DESI2: variants seen among roughly 807,000 people sequenced by gnomAD.
DESI2 encodes the protein desumoylating isopeptidase 2.
DESI2 carries 10 observed loss-of-function variants against 24.1 expected under a neutral mutation model. The observed-to-expected ratio is 0.41, with a 90% CI of 0.26 to 0.70. DESI2 has a LOEUF of 0.70. Among genes scored for constraint, DESI2 ranks in the 30% least tolerant of loss-of-function variants. DESI2 has a pLI of 0.29. For synonymous variants in DESI2, 71 were observed against 87.7 expected (o/e 0.81, Z 1.06); for missense variants, 122 against 234.9 (o/e 0.52, Z 3.14).
At chr1:244,703,497 A>C (rs1009806223) in intron 4 of DESI2, among the ~76,000 whole-genome samples, 1 of 152,054 alleles carries the variant, frequency 6.6e-6, no homozygotes, top group Non-Finnish European at 1.5e-5. Flanking sequence ...CTGAGGCTAC[A>C]GGCACACACC....
rs1393283501 is a variant in DESI2, at chr1:244,708,193, T to C, written c.*2404T>C. 1 of 152,354 alleles carries C rather than the reference T, an allele frequency of 6.6e-6. No individual in the cohort carries two copies. Among genetic ancestry groups the C allele is most frequent in the Non-Finnish European group, 1.5e-5 (1 of 68,042 alleles). The allele number at this position is 152,354 out of a possible 1,614,324, so 9.4% of individuals were successfully genotyped here. On this transcript the variant is annotated 3_prime_UTR_variant, in exon 5 of 5. Coordinates refer to ENST00000302550, the MANE Select transcript of DESI2 (RefSeq NM_016076.5). Reference sequence around the variant, plus strand: ...AATCTGGTCATTAACATACATATGATACGGAGTCTCTTTGTTGTCACCAAG... The same window carrying C: ...AATCTGGTCATTAACATACATATGACACGGAGTCTCTTTGTTGTCACCAAG...
intron 1 of DESI2, among the ~76,000 whole-genome samples, chr1:244,672,289 G>A (rs939512317): frequency 8.5e-5 from 13 of 152,244 alleles, no homozygotes; most frequent in Admixed American, 7.2e-4. Context: ...TCAGTTCATG[G>A]GAGATCTGGT....
Position 244,702,308 on chromosome 1 carries a change from G to C in DESI2, c.352-3248G>C, listed in dbSNP as rs560538631. On this transcript the variant is annotated intron_variant, in intron 4 of 4. Coordinates refer to ENST00000302550, the MANE Select transcript of DESI2 (RefSeq NM_016076.5). ...GCAGGCAGATCACCTGAGGTCAGGA[G>C]TTTGAGACCAGCCTGGCCAACATGG... Among the ~76,000 whole-genome samples, 3 of 152,326 alleles carry C rather than the reference G, an allele frequency of 2.0e-5. No individual in the cohort carries two copies. The East Asian group carries it at 5.8e-4, about 29-fold the overall frequency.
intron 1 of DESI2, among the ~76,000 whole-genome samples, chr1:244,658,573 G>C (rs1675731172): frequency 6.6e-6 from 1 of 152,184 alleles, no homozygotes; most frequent in South Asian, 2.1e-4. Flanking sequence ...ACTATGACCA[G>C]TGTCTAGAAC....
chr1:244,672,096 G>A (rs1485640234), intron 1 of DESI2, among the ~76,000 whole-genome samples: 1 of 152,178 alleles, frequency 6.6e-6, no homozygotes. Context: ...CACTTTGGGA[G>A]TCTGAGGTAG....
chr1:244,701,008 G>A (rs1274244325), intron 4 of DESI2, among the ~76,000 whole-genome samples: 1 of 152,138 alleles, frequency 6.6e-6, no homozygotes, highest in Non-Finnish European at 1.5e-5. Context: ...AAGTGTAGAA[G>A]GTGCAGCCTG....
rs934882111 is a variant in DESI2, at chr1:244,706,097, C to A, written c.*308C>A. ...CTTGTATCGCTGTTTACAAATCTTGCATGGACTCCTGCCACAGTGAAAGAA... is the reference window on the plus strand; with the variant it reads ...CTTGTATCGCTGTTTACAAATCTTGAATGGACTCCTGCCACAGTGAAAGAA... On this transcript the variant is annotated 3_prime_UTR_variant, in exon 5 of 5. Coordinates refer to ENST00000302550, the MANE Select transcript of DESI2 (RefSeq NM_016076.5). 5 of 267,644 alleles carry A rather than the reference C, an allele frequency of 1.9e-5. No homozygotes were observed. The highest frequency in any genetic ancestry group is 2.9e-5 in the Non-Finnish European group (4 of 139,110). The allele number at this position is 267,644 out of a possible 1,614,324, so 16.6% of individuals were successfully genotyped here. A position where few individuals can be genotyped will look rare whatever the true frequency, so the allele number is the denominator to read the frequency against.
intron 1 of DESI2, among the ~76,000 whole-genome samples, chr1:244,672,333 A>G (rs906973437): frequency 5.3e-5 from 8 of 152,074 alleles, no homozygotes; most frequent in South Asian, 2.1e-4. Context: ...CCATTTCTCC[A>G]TCTCTCTTGC....
chr1:244,697,874 C>A (rs1009697350), intron 4 of DESI2, among the ~76,000 whole-genome samples: 1 of 152,166 alleles, frequency 6.6e-6, no homozygotes, highest in African/African-American at 2.4e-5. Context: ...AAGGTTGAAT[C>A]AGTTCTCAGG....
intron 4 of DESI2, chr1:244,694,471 T>A (rs907235383): frequency 5.1e-6 from 4 of 787,694 alleles, no homozygotes; most frequent in South Asian, 4.0e-5. Context: ...CTCTTGGGTT[T>A]AGGTGGTGTT....
intron 1 of DESI2, among the ~76,000 whole-genome samples, chr1:244,683,918 G>A (rs1273451332): frequency 6.6e-6 from 1 of 151,200 alleles, no homozygotes; most frequent in Non-Finnish European, 1.5e-5. Context: ...TTGCCTAGGG[G>A]GGTCTTGAAC....
At chr1:244,701,312 G>C (rs111554564) in intron 4 of DESI2, among the ~76,000 whole-genome samples, 1,758 of 148,864 alleles carry the variant, frequency 0.012, 23 homozygotes, top group Non-Finnish European at 0.013. Context: ...CAAGAATGGA[G>C]ATGGGATTAT....
chr1:244,673,570 T>A (rs976279058), intron 1 of DESI2, among the ~76,000 whole-genome samples: 5 of 152,214 alleles, frequency 3.3e-5, no homozygotes, highest in African/African-American at 9.6e-5. Flanking sequence ...AGTAACCTAT[T>A]TAAAGGTTTT....
intron 2 of DESI2, among the ~76,000 whole-genome samples, chr1:244,687,708 T>C (rs1676871132): frequency 6.6e-6 from 1 of 152,244 alleles, no homozygotes; most frequent in Non-Finnish European, 1.5e-5. Context: ...TTAAGCTCTA[T>C]TTTACTTGAA....
At chr1:244,681,905 T>C (rs1165277353) in intron 1 of DESI2, among the ~76,000 whole-genome samples, 3 of 152,250 alleles carry the variant, frequency 2.0e-5, no homozygotes, top group Admixed American at 6.5e-5. Context: ...TCTCACTGAC[T>C]TCAAGAATGA....
At chr1:244,654,005 A>G (rs1434493576) in intron 1 of DESI2, 1 of 471,068 alleles carries the variant, frequency 2.1e-6, no homozygotes, top group Admixed American at 2.3e-5. Flanking sequence ...CCTTTCCTAC[A>G]CTCTGAAGAC....
At chr1:244,665,501 C>T (rs1231482642) in intron 1 of DESI2, among the ~76,000 whole-genome samples, 2 of 152,172 alleles carry the variant, frequency 1.3e-5, no homozygotes, top group African/African-American at 4.8e-5. Flanking sequence ...TGCCCTGCCT[C>T]CTAAATCTTT....
At chr1:244,693,682 C>T (rs1367499289) in intron 4 of DESI2, among the ~76,000 whole-genome samples, 2 of 152,182 alleles carry the variant, frequency 1.3e-5, no homozygotes, top group Non-Finnish European at 2.9e-5. Context: ...CCGCCCGCCT[C>T]AGCCTCCCAA....
intron 4 of DESI2, among the ~76,000 whole-genome samples, chr1:244,695,711 A>G (rs547138533): frequency 6.6e-6 from 1 of 152,326 alleles, no homozygotes; most frequent in Non-Finnish European, 1.5e-5. Flanking sequence ...TAAAAGTAGA[A>G]TAATATAATG....
Sources: gnomAD v4.1 joint callset for allele counts (sites outside exome capture counted in the v4.1 genomes callset) on GRCh38, gnomAD v4.1.1 for gene constraint, MANE v1.5 for transcripts, NCBI Gene and HGNC (gene_info 2026-07-23, HGNC 2026-07-21) for gene names.